DGKH: variants seen among roughly 807,000 people sequenced by gnomAD.
DGKH encodes the protein diacylglycerol kinase eta.
Under a neutral mutation model 159.3 loss-of-function variants are expected in DGKH, and 90 were observed. That is an observed-to-expected ratio of 0.57 (90% CI 0.48 to 0.67). The LOEUF is 0.67. Ranked by LOEUF, DGKH falls within the 30% of genes least tolerant of loss-of-function variation. The pLI is 0.00. For synonymous variants in DGKH, 536 were observed against 553.8 expected (o/e 0.97, Z 0.45); for missense variants, 1,181 against 1,506.1 (o/e 0.78, Z 3.57).
At chr13:42,072,300 G>A (rs1313898346) in intron 1 of DGKH, among the ~76,000 whole-genome samples, 2 of 152,090 alleles carry the variant, frequency 1.3e-5, no homozygotes, top group East Asian at 3.9e-4. Flanking sequence ...AAGTGACTTC[G>A]GGTAAGTTAC....
intron 3 of DGKH, among the ~76,000 whole-genome samples, chr13:42,142,762 G>T (rs1467316241): frequency 6.6e-6 from 1 of 152,318 alleles, no homozygotes; most frequent in East Asian, 1.9e-4. Context: ...CTGAGACTTT[G>T]CTGAAGTTGC....
At chr13:42,054,743 C>G (rs1273000947) in intron 1 of DGKH, among the ~76,000 whole-genome samples, 1 of 151,982 alleles carries the variant, frequency 6.6e-6, no homozygotes, top group Non-Finnish European at 1.5e-5. Flanking sequence ...CTTAAATGTT[C>G]TCACCCACAA....
chr13:42,185,077 T>C (rs1312291733), intron 13 of DGKH, among the ~76,000 whole-genome samples: 1 of 152,140 alleles, frequency 6.6e-6, no homozygotes, highest in Admixed American at 6.5e-5. Flanking sequence ...AGTAAATACA[T>C]CTTAAGATTG....
At chr13:42,115,345 A>G (rs1006631685) in intron 1 of DGKH, among the ~76,000 whole-genome samples, 1 of 152,216 alleles carries the variant, frequency 6.6e-6, no homozygotes, top group Middle Eastern at 3.2e-3. Flanking sequence ...ATACTTGGCT[A>G]TATGTGGGAT....
chr13:42,170,122 G>C (rs907530160), intron 11 of DGKH, among the ~76,000 whole-genome samples: 2 of 152,174 alleles, frequency 1.3e-5, no homozygotes, highest in Non-Finnish European at 2.9e-5. Flanking sequence ...CCAGACAACT[G>C]TCCAATTCTG....
At chr13:42,102,011 A>T (rs923841739) in intron 1 of DGKH, among the ~76,000 whole-genome samples, 8 of 152,310 alleles carry the variant, frequency 5.3e-5, no homozygotes, top group African/African-American at 1.9e-4. Context: ...GTGGCAATGA[A>T]ATCACATTCC....
At chr13:42,164,227 A>T (rs34986762) in intron 7 of DGKH, among the ~76,000 whole-genome samples, 18,237 of 152,198 alleles carry the variant, frequency 0.12, 1,414 homozygotes, top group South Asian at 0.18. Context: ...ACATAGTTTT[A>T]CCTTTTCTGT....
At chr13:42,070,424 T>C (rs1882883364) in intron 1 of DGKH, 1 of 1,343,502 alleles carries the variant, frequency 7.4e-7, no homozygotes. Flanking sequence ...AGTCAGCATT[T>C]CAGCAGAGAT....
At chr13:42,197,435 T>C (rs946138094) in intron 17 of DGKH, among the ~76,000 whole-genome samples, 5 of 152,008 alleles carry the variant, frequency 3.3e-5, no homozygotes, top group African/African-American at 1.2e-4. Flanking sequence ...TTCAAAACTA[T>C]GACATTAAAC....
intron 29 of DGKH, among the ~76,000 whole-genome samples, chr13:42,251,235 T>C (rs1958618327): frequency 6.6e-6 from 1 of 152,064 alleles, no homozygotes. Context: ...CAACACTTCA[T>C]GAGGCTGTGG....
rs917090256 is a variant in DGKH at position 42,231,859 on chromosome 13, C to G, written c.*2671C>G. ...AGAGCGTGAGTCTCTTAATGGAATC[C>G]TTAATTAGCTAGAATTTTCCTGCAA... On this transcript the variant is annotated 3_prime_UTR_variant, in exon 30 of 30. Transcript: ENST00000337343. 6.6e-6 allele frequency: 1 copy of G among 152,150 alleles called. No individual in the cohort carries two copies. 9.4% of individuals were successfully genotyped at this position (152,150 alleles called of 1,614,324 possible).
In DGKH at chr13:42,048,962, C is replaced by T; in HGVS notation, c.189C>T (p.Thr63=). 1.5e-6 allele frequency: 2 copies of T among 1,291,934 alleles called. No homozygotes were observed. The highest frequency in any genetic ancestry group is 2.9e-5 in the East Asian group (1 of 34,680). 80.0% of individuals were successfully genotyped at this position (1,291,934 alleles called of 1,614,324 possible). A position where few individuals can be genotyped will look rare whatever the true frequency, so the allele number is the denominator to read the frequency against. The change falls in exon 1 of 30, where the codon ACC becomes ACT. Residue 63 remains threonine (T), a synonymous_variant. Coordinates refer to ENST00000337343, the MANE Select transcript of DGKH (RefSeq NM_178009.5). This position sits in a 1 kb window ranked among gnomAD's most constrained non-coding sequence, Gnocchi z 6.7. The part of the protein sequence containing the change: ...RKVSTSGQIR[T]KTSIKEGQLL... ...TGTCTACCTCGGGGCAGATCCGGACCAAGGTAGGGCGGAGGAGGCGGGCCT... is the reference window on the plus strand; with the variant it reads ...TGTCTACCTCGGGGCAGATCCGGACTAAGGTAGGGCGGAGGAGGCGGGCCT...
At chr13:42,136,816 G>A (rs1955411667) in intron 3 of DGKH, among the ~76,000 whole-genome samples, 1 of 152,092 alleles carries the variant, frequency 6.6e-6, no homozygotes, top group Non-Finnish European at 1.5e-5. Flanking sequence ...ATGATCACTG[G>A]AAGAAAAAGG....
At chr13:42,093,039 T>C (rs1291244141) in intron 1 of DGKH, among the ~76,000 whole-genome samples, 1 of 151,586 alleles carries the variant, frequency 6.6e-6, no homozygotes, top group Middle Eastern at 3.2e-3. Flanking sequence ...AGTCCAGGAG[T>C]TCCAGACCAG....
At chr13:42,097,830 AAAATACATTTTC>A (rs1341332322) in intron 1 of DGKH, among the ~76,000 whole-genome samples, 1 of 152,188 alleles carries the variant, frequency 6.6e-6, no homozygotes, top group Admixed American at 6.5e-5. Flanking sequence ...TAGTGATTCT[AAAATACATTTTC>A]ACCCAATCCT....
At chr13:42,127,439 CATT>C (rs765186276) in intron 1 of DGKH, 21 bp from the exon 2 acceptor site, 1 of 1,533,644 alleles carries the variant, frequency 6.5e-7, no homozygotes, top group African/African-American at 1.4e-5. Flanking sequence ...TTAATCGTGT[CATT>C]GTGCTTCTGC....
chr13:42,099,089 C>T (rs1480250540), intron 1 of DGKH, among the ~76,000 whole-genome samples: 2 of 152,110 alleles, frequency 1.3e-5, no homozygotes, highest in Admixed American at 1.3e-4. Flanking sequence ...CAAAAATGCA[C>T]CTTTAAAACT....
intron 1 of DGKH, among the ~76,000 whole-genome samples, chr13:42,104,712 G>A (rs1344511666): frequency 6.6e-6 from 1 of 152,158 alleles, no homozygotes; most frequent in East Asian, 1.9e-4. Context: ...TAGACCATTA[G>A]CTGTTTCTCT....
chr13:42,182,876 T>C (rs934845387), intron 13 of DGKH, among the ~76,000 whole-genome samples: 1 of 151,496 alleles, frequency 6.6e-6, no homozygotes, highest in African/African-American at 2.4e-5. Context: ...GAGGTTTTTC[T>C]GTGAACCTTG....
Sources: allele counts gnomAD v4.1 joint callset (sites outside exome capture counted in the v4.1 genomes callset), GRCh38; gene constraint gnomAD v4.1.1; non-coding constraint Gnocchi (gnomAD v3.1); transcripts MANE v1.5; gene names NCBI Gene and HGNC (gene_info 2026-07-23, HGNC 2026-07-21).